The following CRIM1 variants were observed in gnomAD, a reference collection of about 807,000 sequenced individuals.
CRIM1 encodes the protein cysteine-rich motor neuron 1 protein.
Under a neutral mutation model 116.4 loss-of-function variants are expected in CRIM1, and 32 were observed. That is an observed-to-expected ratio of 0.27 (90% CI 0.21 to 0.37). CRIM1 has a LOEUF of 0.37. CRIM1 is among the 10% of genes least tolerant of loss of function. CRIM1 has a pLI of 1.00. For missense variants in CRIM1, 1,331 were observed against 1,354.8 expected (o/e 0.98, Z 0.28); for synonymous variants, 590 against 509.2 (o/e 1.16, Z -2.13).
intron 9 of CRIM1, among the ~76,000 whole-genome samples, chr2:36,510,923 C>CTTTT (rs1013951561): frequency 5.5e-5 from 6 of 109,186 alleles, no homozygotes; most frequent in East Asian, 2.5e-4. Flanking sequence ...GATTCCTTTT[C>CTTTT]TTTTTTTTTT....
At chr2:36,467,928 T>C (rs1678178515) in intron 5 of CRIM1, among the ~76,000 whole-genome samples, 1 of 152,370 alleles carries the variant, frequency 6.6e-6, no homozygotes, top group Middle Eastern at 3.4e-3. Context: ...AAGTTGATCA[T>C]GTGCTTAATT....
intron 2 of CRIM1, among the ~76,000 whole-genome samples, chr2:36,406,819 A>G (rs1672842785): frequency 6.6e-6 from 1 of 152,200 alleles, no homozygotes; most frequent in African/African-American, 2.4e-5. Context: ...TTCTTAGGCT[A>G]GTTACATCTG....
chr2:36,433,540 C>T (rs1675063451), intron 2 of CRIM1, among the ~76,000 whole-genome samples: 1 of 152,094 alleles, frequency 6.6e-6, no homozygotes, highest in African/African-American at 2.4e-5. Context: ...TCTCTGTTTG[C>T]TTGGAGTAAG....
At chr2:36,407,703 C>CAAA (rs10719018) in intron 2 of CRIM1, among the ~76,000 whole-genome samples, 6 of 99,702 alleles carry the variant, frequency 6.0e-5, no homozygotes, top group East Asian at 4.7e-4. Flanking sequence ...TTGTGCCCGT[C>CAAA]AAAAAAAAAA....
At chr2:36,406,618 C>A in intron 2 of CRIM1, among the ~76,000 whole-genome samples, 1 of 27,108 alleles carries the variant, frequency 3.7e-5, no homozygotes, top group Non-Finnish European at 6.1e-5. Context: ...TAATATTTGA[C>A]CCCTCCCCCC....
intron 2 of CRIM1, among the ~76,000 whole-genome samples, chr2:36,424,801 C>T (rs1002134620): frequency 1.3e-5 from 2 of 152,196 alleles, no homozygotes; most frequent in African/African-American, 4.8e-5. Flanking sequence ...GGATATCTCA[C>T]TTACACTGAT....
intron 4 of CRIM1, among the ~76,000 whole-genome samples, chr2:36,450,529 A>T (rs1370147100): frequency 6.6e-6 from 1 of 152,216 alleles, no homozygotes; most frequent in East Asian, 1.9e-4. Flanking sequence ...ATGAAAAAAG[A>T]TCTACTCAAA....
chr2:36,451,230 A>G (rs563820148), intron 4 of CRIM1, among the ~76,000 whole-genome samples: 4 of 152,190 alleles, frequency 2.6e-5, no homozygotes, highest in African/African-American at 9.6e-5. Flanking sequence ...CATCTTACAG[A>G]TATGACCAAT....
chr2:36,370,408 G>A lies in CRIM1; in HGVS notation c.331+13785G>A, dbSNP rs115212843. Among the ~76,000 whole-genome samples the A allele has an allele frequency of 5.2e-3, 788 of 152,220 alleles. 4 individuals carry two copies. Among genetic ancestry groups the A allele is most frequent in the African/African-American group, 0.017 (709 of 41,534 alleles). ...TTTTCAAACACTGCCCTGGGAAAAG[G>A]TGAGCCCTCAGCAACCAAGTTTATT... On this transcript the variant is annotated intron_variant, in intron 1 of 16. Coordinates refer to ENST00000280527, the MANE Select transcript of CRIM1 (RefSeq NM_016441.3).
chr2:36,363,331 G>T (rs1054320286), intron 1 of CRIM1, among the ~76,000 whole-genome samples: 3 of 152,062 alleles, frequency 2.0e-5, no homozygotes, highest in African/African-American at 7.2e-5. Context: ...CATCCCTAAT[G>T]AGCAGTTAAA....
chr2:36,519,735 C>A (rs1038938645), intron 12 of CRIM1, among the ~76,000 whole-genome samples: 3 of 152,138 alleles, frequency 2.0e-5, no homozygotes, highest in African/African-American at 7.2e-5. Context: ...CTTCTCTGGC[C>A]TGGTTTAAAG....
chr2:36,531,398 T>A (rs181371047), intron 13 of CRIM1, among the ~76,000 whole-genome samples: 1 of 151,280 alleles, frequency 6.6e-6, no homozygotes, highest in Non-Finnish European at 1.5e-5. Flanking sequence ...TGGTTTTTGG[T>A]TTTTTGTTTT....
chr2:36,380,897 A>T (rs192383051), intron 1 of CRIM1, among the ~76,000 whole-genome samples: 142 of 152,282 alleles, frequency 9.3e-4, no homozygotes, highest in African/African-American at 3.2e-3. Context: ...ATTTTAAAAG[A>T]TATCTCGACC....
chr2:36,429,303 C>T (rs1674691689), intron 2 of CRIM1, among the ~76,000 whole-genome samples: 1 of 152,128 alleles, frequency 6.6e-6, no homozygotes, highest in Non-Finnish European at 1.5e-5. Context: ...GGAAGAGAAT[C>T]CTGGAATATG....
rs745453573 is a variant in CRIM1 at position 36,356,609 on chromosome 2, C to G, written c.317C>G (p.Ala106Gly). The change falls in exon 1 of 17, where the codon GCG becomes GGG. Residue 106 changes from alanine (A) to glycine (G), a missense_variant. By Grantham distance (60) the Ala-to-Gly change is moderately conservative. Coordinates refer to ENST00000280527, the MANE Select transcript of CRIM1 (RefSeq NM_016441.3). The surrounding 1 kb of genome is among the most constrained non-coding windows in gnomAD (Gnocchi z 4.3). The part of the protein sequence containing the change: ...LNGDSLTEYE[A>G]GVCEDENWTD... Reference sequence around the variant, plus strand: ...GGCGACTCCCTCACCGAGTACGAAGCGGGCGTTTGCGAAGGTACGGCCGCC... The same window carrying G: ...GGCGACTCCCTCACCGAGTACGAAGGGGGCGTTTGCGAAGGTACGGCCGCC... The G allele has an allele frequency of 6.2e-7, 1 of 1,607,526 alleles. No homozygotes were observed. The highest frequency in any genetic ancestry group is 8.5e-7 in the Non-Finnish European group (1 of 1,177,866).
intron 2 of CRIM1, among the ~76,000 whole-genome samples, chr2:36,406,138 A>G (rs1321700689): frequency 6.6e-6 from 1 of 152,236 alleles, no homozygotes; most frequent in Non-Finnish European, 1.5e-5. Flanking sequence ...TCACAAAATC[A>G]GATATACTGA....
At chr2:36,484,804 G>GT (rs1679695616) in intron 7 of CRIM1, among the ~76,000 whole-genome samples, 1 of 152,134 alleles carries the variant, frequency 6.6e-6, no homozygotes, top group African/African-American at 2.4e-5. Flanking sequence ...AACAACTTAG[G>GT]TAATATTTTA....
chr2:36,539,599 A>C (rs768903560), intron 14 of CRIM1, among the ~76,000 whole-genome samples: 49 of 152,274 alleles, frequency 3.2e-4, no homozygotes, highest in Non-Finnish European at 5.9e-4. Context: ...AGAGAGACCA[A>C]CTTGGAGACT....
At chr2:36,506,824 A>C (rs995606595) in intron 8 of CRIM1, among the ~76,000 whole-genome samples, 1 of 151,958 alleles carries the variant, frequency 6.6e-6, no homozygotes. Context: ...CCTTCTATGA[A>C]TACTGTTTTT....
Sources: gnomAD v4.1 joint callset for allele counts (sites outside exome capture counted in the v4.1 genomes callset) on GRCh38, gnomAD v4.1.1 for gene constraint, Gnocchi (gnomAD v3.1) non-coding constraint, MANE v1.5 for transcripts, NCBI Gene and HGNC (gene_info 2026-07-23, HGNC 2026-07-21) for gene names.